HDAC9: variants seen among roughly 807,000 people sequenced by gnomAD.
HDAC9 encodes histone deacetylase 9.
A neutral mutation model predicts 139.4 loss-of-function variants in HDAC9; 41 were observed. The observed-to-expected ratio is 0.29, with a 90% CI of 0.23 to 0.38. HDAC9 has a LOEUF of 0.38. Among genes scored for constraint, HDAC9 ranks in the 10% least tolerant of loss-of-function variants. The pLI is 1.00. For synonymous variants in HDAC9, 517 were observed against 476.2 expected (o/e 1.09, Z -1.12); for missense variants, 1,147 against 1,297.0 (o/e 0.88, Z 1.78).
intron 16 of HDAC9, among the ~76,000 whole-genome samples, chr7:18,786,505 CCTCTCT>C (rs1791762750): frequency 8.0e-6 from 1 of 125,262 alleles, no homozygotes; most frequent in African/African-American, 3.2e-5. Context: ...TTCCTTCCTT[CCTCTCT>C]CTCATGTACT....
At chr7:18,168,897 T>TTTTGTGTGTG (rs1351720169) in intron 2 of HDAC9, among the ~76,000 whole-genome samples, 1 of 94,338 alleles carries the variant, frequency 1.1e-5, no homozygotes, top group African/African-American at 5.8e-5. Context: ...TTTTTTTTTT[T>TTTTGTGTGTG]TGTGTGTGTG....
At chr7:18,695,099 A>G (rs758799421) in intron 12 of HDAC9, among the ~76,000 whole-genome samples, 1 of 152,190 alleles carries the variant, frequency 6.6e-6, no homozygotes, top group Non-Finnish European at 1.5e-5. Flanking sequence ...AAAGTTACAC[A>G]CTTTAGGACA....
At chr7:18,754,491 GT>G (rs1313811790) in intron 14 of HDAC9, among the ~76,000 whole-genome samples, 2 of 152,026 alleles carry the variant, frequency 1.3e-5, no homozygotes, top group Admixed American at 1.3e-4. Context: ...TCTCACATTT[GT>G]TTTGAGAATA....
intron 22 of HDAC9, among the ~76,000 whole-genome samples, chr7:18,904,804 T>C (rs1258434668): frequency 1.3e-5 from 2 of 152,124 alleles, no homozygotes; most frequent in East Asian, 3.9e-4. Context: ...CTCGATCTCC[T>C]GACCTCGTGA....
At chr7:18,808,974 C>A (rs1410420733) in intron 17 of HDAC9, among the ~76,000 whole-genome samples, 2 of 151,956 alleles carry the variant, frequency 1.3e-5, no homozygotes, top group Non-Finnish European at 2.9e-5. Flanking sequence ...ACAGTATGAT[C>A]CTGGCATAAA....
At chr7:18,859,364 C>T (rs1797917790) in intron 21 of HDAC9, among the ~76,000 whole-genome samples, 1 of 152,020 alleles carries the variant, frequency 6.6e-6, no homozygotes, top group African/African-American at 2.4e-5. Flanking sequence ...ACATGTAACA[C>T]TCCTAGATCT....
chr7:18,868,241 G>A (rs1585186977), intron 21 of HDAC9, among the ~76,000 whole-genome samples: 2 of 152,206 alleles, frequency 1.3e-5, no homozygotes, highest in Non-Finnish European at 2.9e-5. Context: ...GAGTGTGTGT[G>A]GACTGTCAAA....
chr7:18,906,324 T>G (rs1263441049), intron 22 of HDAC9, among the ~76,000 whole-genome samples: 2 of 151,958 alleles, frequency 1.3e-5, no homozygotes, highest in Non-Finnish European at 2.9e-5. Flanking sequence ...TTTGTATTTT[T>G]AGTAGAGACA....
intron 6 of HDAC9, among the ~76,000 whole-genome samples, chr7:18,597,909 G>T (rs898943521): frequency 6.6e-6 from 1 of 152,070 alleles, no homozygotes; most frequent in African/African-American, 2.4e-5. Context: ...ACTAGAATAA[G>T]ACTCAAAGAT....
At chr7:18,184,010 G>C (rs960613059) in intron 2 of HDAC9, among the ~76,000 whole-genome samples, 2 of 152,046 alleles carry the variant, frequency 1.3e-5, no homozygotes, top group African/African-American at 2.4e-5. Context: ...TTTGTTACCT[G>C]TTATTGCATG....
At chr7:18,317,433 A>G (rs1799729694) in intron 1 of HDAC9, among the ~76,000 whole-genome samples, 2 of 152,212 alleles carry the variant, frequency 1.3e-5, no homozygotes, top group Non-Finnish European at 2.9e-5. Context: ...TAAAATGCTG[A>G]AATTAAGTAT....
At chr7:18,865,583 G>GC (rs1370183205) in intron 21 of HDAC9, among the ~76,000 whole-genome samples, 2 of 152,000 alleles carry the variant, frequency 1.3e-5, no homozygotes, top group Non-Finnish European at 2.9e-5. Context: ...TTCATTTAGT[G>GC]CCCCCCACAA....
At chr7:18,935,611 C>A (rs1418966124) in intron 22 of HDAC9, among the ~76,000 whole-genome samples, 198 bp from the exon 23 acceptor site, 1 of 152,146 alleles carries the variant, frequency 6.6e-6, no homozygotes, top group African/African-American at 2.4e-5. Context: ...GCTGTGGGAT[C>A]TTGGGCTTTG....
chr7:18,934,082 C>A (rs1432565126), intron 22 of HDAC9, among the ~76,000 whole-genome samples: 3 of 151,760 alleles, frequency 2.0e-5, no homozygotes, highest in Non-Finnish European at 2.9e-5. Context: ...ATAGAGTAAA[C>A]AAACATTTTA....
intron 1 of HDAC9, among the ~76,000 whole-genome samples, chr7:18,322,503 C>A (rs563768382): frequency 4.6e-5 from 7 of 152,290 alleles, no homozygotes; most frequent in South Asian, 4.1e-4. Flanking sequence ...GGGAACGTAT[C>A]ATTTTGATAT....
intron 2 of HDAC9, among the ~76,000 whole-genome samples, chr7:18,508,482 TG>T (rs1800467985): frequency 6.6e-6 from 1 of 152,200 alleles, no homozygotes; most frequent in African/African-American, 2.4e-5. Context: ...TGATTTTCTC[TG>T]TTTTTCATAG....
chr7:18,224,547 TG>T (rs1792922257), intron 2 of HDAC9, among the ~76,000 whole-genome samples: 1 of 152,092 alleles, frequency 6.6e-6, no homozygotes, highest in African/African-American at 2.4e-5. Context: ...CCACCCAGCG[TG>T]GGTGCTTGTG....
At chr7:18,331,328 T>C (rs369404658) in intron 1 of HDAC9, among the ~76,000 whole-genome samples, 13 of 151,798 alleles carry the variant, frequency 8.6e-5, no homozygotes, top group African/African-American at 3.1e-4. Flanking sequence ...ATCTCTGATA[T>C]GGCATAATGA....
chr7:18,155,963 T>G (rs1053513328), intron 1 of HDAC9, among the ~76,000 whole-genome samples: 1 of 152,182 alleles, frequency 6.6e-6, no homozygotes, highest in African/African-American at 2.4e-5. Context: ...CCCATCAGCT[T>G]CCCAGTCCCC....
Sources: allele counts gnomAD v4.1 joint callset (sites outside exome capture counted in the v4.1 genomes callset), GRCh38; gene constraint gnomAD v4.1.1; transcripts MANE v1.5; gene names NCBI Gene and HGNC (gene_info 2026-07-23, HGNC 2026-07-21).